Variants in SYNE2 observed in about 807,000 individuals in gnomAD.
The protein encoded by SYNE2 is spectrin repeat containing nuclear envelope protein 2.
In SYNE2, 431 loss-of-function variants were observed where a neutral mutation model predicts 856.3. The observed-to-expected ratio is 0.50, with a 90% CI of 0.47 to 0.55. The LOEUF (loss-of-function observed/expected upper bound fraction) is 0.55. SYNE2 is among the 20% of genes least tolerant of loss of function. The pLI, the probability that SYNE2 is intolerant of heterozygous loss-of-function variation, is 0.00. For missense variants in SYNE2, 8,129 were observed against 8,023.2 expected (o/e 1.01, Z -0.50); for synonymous variants, 2,923 against 2,872.3 (o/e 1.02, Z -0.56).
At chr14:63,997,529 A>G (rs2096722774) in intron 25 of SYNE2, 138 bp downstream of exon 25, 1 of 776,670 alleles carries the variant, frequency 1.3e-6, no homozygotes, top group Non-Finnish European at 2.2e-6. Context: ...CACTTACACA[A>G]TGCAAAAGAC....
intron 58 of SYNE2, among the ~76,000 whole-genome samples, chr14:64,089,140 T>C (rs556758297): frequency 1.4e-4 from 21 of 151,498 alleles, no homozygotes; most frequent in Admixed American, 9.8e-4. Flanking sequence ...CCGAGGCGGG[T>C]GGATCACCTG....
At chr14:64,125,759 C>T (rs2097938742) in intron 71 of SYNE2, among the ~76,000 whole-genome samples, 1 of 152,142 alleles carries the variant, frequency 6.6e-6, no homozygotes, top group South Asian at 2.1e-4. Flanking sequence ...TCACCAGGCG[C>T]AATGCATGAC....
chr14:64,120,262 A>T (rs548203888), intron 67 of SYNE2, among the ~76,000 whole-genome samples: 28 of 118,164 alleles, frequency 2.4e-4, no homozygotes, highest in East Asian at 1.3e-3. Flanking sequence ...CTCTCTTTTT[A>T]AAAAAAATGT....
At chr14:63,977,481 G>A (rs1425536191) in intron 12 of SYNE2, among the ~76,000 whole-genome samples, 3 of 152,098 alleles carry the variant, frequency 2.0e-5, no homozygotes, top group African/African-American at 7.2e-5. Context: ...CATAGTGCTG[G>A]GATTACAGGC....
chr14:64,176,819 A>T, intron 95 of SYNE2, among the ~76,000 whole-genome samples: 1 of 149,612 alleles, frequency 6.7e-6, no homozygotes, highest in Non-Finnish European at 1.5e-5. Flanking sequence ...TTATTTTAAG[A>T]TGGAGTCTTG....
intron 57 of SYNE2, among the ~76,000 whole-genome samples, chr14:64,083,165 A>C (rs1232306431): frequency 6.6e-6 from 1 of 151,636 alleles, no homozygotes; most frequent in Non-Finnish European, 1.5e-5. Flanking sequence ...TCGTTGGCAT[A>C]TTTTTTTCTT....
rs2096657502 is a variant in SYNE2, at chr14:63,990,323, C to G, written c.2314-88C>G. The G allele has an allele frequency of 4.4e-6, 6 of 1,366,982 alleles. No homozygotes were observed. In the East Asian group the frequency reaches 1.4e-4, roughly 33 times the overall value. The allele number at this position is 1,366,982 out of a possible 1,614,324, so 84.7% of individuals were successfully genotyped here. ...TGCCTGATTTTGGATTAATAATGAA[C>G]TTTTTTGGTTTCCTGAGATTGTTTT... On this transcript the variant is annotated intron_variant, in intron 19 of 115. Coordinates refer to ENST00000555002, the MANE Select transcript of SYNE2 (RefSeq NM_182914.3).
At chr14:64,191,507 A>C (rs1192325930) in intron 99 of SYNE2, among the ~76,000 whole-genome samples, 1 of 152,210 alleles carries the variant, frequency 6.6e-6, no homozygotes, top group African/African-American at 2.4e-5. Flanking sequence ...GAGAGCAAAC[A>C]GGTACAGAAT....
chr14:63,952,776 C>CT (rs949095996), intron 7 of SYNE2, among the ~76,000 whole-genome samples: 1 of 152,116 alleles, frequency 6.6e-6, no homozygotes, highest in South Asian at 2.1e-4. Flanking sequence ...TAGTTTTAAG[C>CT]TTTTTTTCCC....
intron 82 of SYNE2, among the ~76,000 whole-genome samples, chr14:64,142,837 A>G (rs964678134): frequency 2.0e-5 from 3 of 152,200 alleles, no homozygotes; most frequent in African/African-American, 7.2e-5. Context: ...TCTCTGTGAT[A>G]TTTAATTTCA....
At chr14:63,869,555 G>A (rs562384557) in intron 1 of SYNE2, among the ~76,000 whole-genome samples, 1 of 151,310 alleles carries the variant, frequency 6.6e-6, no homozygotes. Flanking sequence ...CGGAGGTGGT[G>A]GGGGAAGGGG....
At chr14:63,864,606 A>T (rs1176329878) in intron 1 of SYNE2, 1 of 152,242 alleles carries the variant, frequency 6.6e-6, no homozygotes, top group East Asian at 1.9e-4. Context: ...TAGGTTATAT[A>T]TGGCTGCTAA....
intron 48 of SYNE2, among the ~76,000 whole-genome samples, chr14:64,055,367 CTTT>C (rs35956880): frequency 2.3e-5 from 3 of 131,896 alleles, no homozygotes; most frequent in East Asian, 2.1e-4. Context: ...CTGAAAATAA[CTTT>C]TTTTTTTTTT....
At chr14:64,172,254 C>T (rs1476044322) in intron 94 of SYNE2, among the ~76,000 whole-genome samples, 1 of 152,228 alleles carries the variant, frequency 6.6e-6, no homozygotes, top group Non-Finnish European at 1.5e-5. Flanking sequence ...TAATGACACT[C>T]ATCATTCTGT....
chr14:64,038,265 C>T (rs1306141665), intron 45 of SYNE2, among the ~76,000 whole-genome samples: 1 of 150,272 alleles, frequency 6.7e-6, no homozygotes, highest in African/African-American at 2.5e-5. Flanking sequence ...AGAGGCGCTC[C>T]TCACTTCCTA....
intron 52 of SYNE2, among the ~76,000 whole-genome samples, chr14:64,072,571 C>G (rs1416634706): frequency 6.6e-6 from 1 of 151,708 alleles, no homozygotes; most frequent in African/African-American, 2.4e-5. Context: ...ATGATCTCGG[C>G]TCACTGCAAA....
chr14:63,798,054 C>T (rs1887988322), intron 1 of SYNE2, among the ~76,000 whole-genome samples: 1 of 152,136 alleles, frequency 6.6e-6, no homozygotes, highest in Non-Finnish European at 1.5e-5. Flanking sequence ...CACCTCTTTT[C>T]TTGCATCTAT....
intron 11 of SYNE2, among the ~76,000 whole-genome samples, chr14:63,975,773 A>G (rs1198027533): frequency 6.6e-6 from 1 of 152,180 alleles, no homozygotes; most frequent in Non-Finnish European, 1.5e-5. Flanking sequence ...GCATTAAATG[A>G]TGGGTAACCA....
Position 63,818,098 on chromosome 14 carries a change from C to A in SYNE2, c.-304-34403C>A, listed in dbSNP as rs145612595. Among the ~76,000 whole-genome samples, 639 of 150,508 alleles carry A rather than the reference C, an allele frequency of 4.2e-3. 1 individual carries two copies. The highest frequency in any genetic ancestry group is 7.0e-3 in the Non-Finnish European group (472 of 67,770). On this transcript the variant is annotated intron_variant, in intron 1 of 23. Transcript: ENST00000674003. Reference sequence around the variant, plus strand: ...AAGTGGCTCACGCCTGTGATCCCAGCACTTTGGGAGGCCGAGGTGGGCACA... The same window carrying A: ...AAGTGGCTCACGCCTGTGATCCCAGAACTTTGGGAGGCCGAGGTGGGCACA...
Sources: gnomAD v4.1 joint callset for allele counts (sites outside exome capture counted in the v4.1 genomes callset) on GRCh38, gnomAD v4.1.1 for gene constraint, MANE v1.5 for transcripts, NCBI Gene and HGNC (gene_info 2026-07-23, HGNC 2026-07-21) for gene names.